Variants in LHX6 observed in about 807,000 individuals in gnomAD.
The protein encoded by LHX6 is LIM/homeobox protein Lhx6.
LHX6 carries 15 observed loss-of-function variants against 47.1 expected under a neutral mutation model. The ratio of observed to expected loss-of-function variants is 0.32; its 90% CI spans 0.21 to 0.49. The LOEUF (loss-of-function observed/expected upper bound fraction) is 0.49. Among genes scored for constraint, LHX6 ranks in the 20% least tolerant of loss-of-function variants. LHX6 has a pLI of 0.99. For synonymous variants in LHX6, 242 were observed against 233.5 expected (o/e 1.04, Z -0.33); for missense variants, 404 against 539.6 (o/e 0.75, Z 2.49).
At chr9:122,222,946 C>T (rs531367386) in intron 4 of LHX6, among the ~76,000 whole-genome samples, 1 of 152,316 alleles carries the variant, frequency 6.6e-6, no homozygotes, top group East Asian at 1.9e-4. Context: ...TGACCCCGGG[C>T]TTCAGGAAAC....
At chr9:122,227,714 G>T in intron 1 of LHX6, 1 of 871,766 alleles carries the variant, frequency 1.1e-6, no homozygotes, top group Non-Finnish European at 1.6e-6. Context: ...CACTTAACCC[G>T]TGGCTCTTGA....
intron 8 of LHX6, among the ~76,000 whole-genome samples, chr9:122,210,929 C>A (rs1382575094): frequency 6.6e-6 from 1 of 152,180 alleles, no homozygotes; most frequent in African/African-American, 2.4e-5. Flanking sequence ...ATGCAAAGCT[C>A]CACGAGGGCA....
intron 1 of LHX6, chr9:122,227,952 ACCCGC>A: frequency 7.6e-6 from 1 of 131,682 alleles, no homozygotes; most frequent in Non-Finnish European, 1.6e-5. Flanking sequence ...TTCTCTCTCC[ACCCGC>A]CCCCCCACCC....
At chr9:122,220,416 A>G (rs1826336794) in intron 4 of LHX6, among the ~76,000 whole-genome samples, 1 of 152,182 alleles carries the variant, frequency 6.6e-6, no homozygotes, top group South Asian at 2.1e-4. Flanking sequence ...TCCCTCACCC[A>G]GGACAGGAGT....
chr9:122,211,246 T>C (rs1726835784), intron 8 of LHX6, among the ~76,000 whole-genome samples: 1 of 152,234 alleles, frequency 6.6e-6, no homozygotes, highest in African/African-American at 2.4e-5. Context: ...GACAATTCAC[T>C]GTGCCCTTCT....
At chr9:122,216,214 C>G (rs1830589552) in intron 5 of LHX6, among the ~76,000 whole-genome samples, 1 of 152,182 alleles carries the variant, frequency 6.6e-6, no homozygotes, top group Admixed American at 6.5e-5. Context: ...ATAAAATAAT[C>G]CCTGTTACAG....
In LHX6 at chr9:122,214,216, G is replaced by A. The variant is rs1289026236; in HGVS notation, c.783+67C>T. The A allele has an allele frequency of 1.2e-5, 17 of 1,422,654 alleles. No individual in the cohort carries two copies. The African/African-American group carries it at 1.8e-4, about 15-fold the overall frequency. The allele number at this position is 1,422,654 out of a possible 1,614,324, so 88.1% of individuals were successfully genotyped here. On this transcript the variant is annotated intron_variant, in intron 6 of 9. Coordinates refer to ENST00000394319, the MANE Select transcript of LHX6 (RefSeq NM_014368.5). This position sits in a 1 kb window ranked among gnomAD's most constrained non-coding sequence, Gnocchi z 4.6. The stretch of plus-strand genomic sequence containing the variant: ...TCCGGCCCGAGGGGCGGAGCCAGGA[G>A]ACATTGTCGGCCCCGCCCACTTTCG...
chr9:122,228,669 G>T lies in LHX6; in HGVS notation c.72C>A (p.Pro24=), dbSNP rs760080455. 5 of 1,290,442 alleles carry T rather than the reference G, an allele frequency of 3.9e-6. No homozygotes were observed. The highest frequency in any genetic ancestry group is 4.2e-5 in the Admixed American group (1 of 24,020). 79.9% of individuals were successfully genotyped at this position (1,290,442 alleles called of 1,614,324 possible). A position where few individuals can be genotyped will look rare whatever the true frequency, so the allele number is the denominator to read the frequency against. The change falls in exon 1 of 10, where the codon CCC becomes CCA. Residue 24 remains proline (P), a synonymous_variant. Transcript: ENST00000394319. ...EGCRLPAEGG[P]ATDQVMAQPG... is the part of the protein sequence containing the mutation. ...TTCGCCGGCTCACCTGGTCGGTGGC[G>T]GGGCCGCCCTCGGCCGGCAGCCGGC...
chr9:122,214,468 C>T lies in LHX6; in HGVS notation c.683-85G>A. The T allele has an allele frequency of 2.1e-6, 3 of 1,420,708 alleles. No individual in the cohort carries two copies. Among genetic ancestry groups the T allele is most frequent in the South Asian group, 1.5e-5 (1 of 66,418 alleles). The allele number at this position is 1,420,708 out of a possible 1,614,324, so 88.0% of individuals were successfully genotyped here. On this transcript the variant is annotated intron_variant, in intron 5 of 9. Coordinates refer to ENST00000394319, the MANE Select transcript of LHX6 (RefSeq NM_014368.5). This position sits in a 1 kb window ranked among gnomAD's most constrained non-coding sequence, Gnocchi z 4.6. ...AGGACGGGGGTGGGGGGAGCTTGTC[C>T]CTGGAAGGGTCAGGAGCGGGAGTTG...
intron 8 of LHX6, among the ~76,000 whole-genome samples, chr9:122,212,311 G>A (rs1402387438): frequency 1.3e-5 from 2 of 152,160 alleles, no homozygotes; most frequent in African/African-American, 4.8e-5. Context: ...CGATCATTAA[G>A]GCATACCGGC....
chr9:122,226,598 A>T lies in LHX6; in HGVS notation c.340-101T>A. On this transcript the variant is annotated intron_variant, in intron 3 of 9. Transcript: ENST00000394319. The surrounding 1 kb of genome is among the most constrained non-coding windows in gnomAD (Gnocchi z 6.5). ...TTTACAGTCAGAGGCGCTGAAGCTC[A>T]GAAGGTGCATGCGATTCCCCTATTT... 6.7e-7 allele frequency: 1 copy of T among 1,501,932 alleles called. No homozygotes were observed. Among genetic ancestry groups the T allele is most frequent in the Admixed American group, 2.2e-5 (1 of 46,014 alleles). The allele number at this position is 1,501,932 out of a possible 1,614,324, so 93.0% of individuals were successfully genotyped here.
intron 9 of LHX6, among the ~76,000 whole-genome samples, chr9:122,208,113 C>T (rs1588334350): frequency 6.6e-6 from 1 of 152,232 alleles, no homozygotes; most frequent in East Asian, 1.9e-4. Flanking sequence ...CCCTCCAGGA[C>T]CCCACACTGC....
intron 4 of LHX6, chr9:122,221,375 T>TG (rs1050460526): frequency 4.1e-6 from 4 of 985,166 alleles, no homozygotes; most frequent in Non-Finnish European, 4.8e-6. Context: ...TCTGCCGCGG[T>TG]GGGGGGCCGC....
In LHX6 at chr9:122,226,047, C is replaced by T. The variant is rs1588364137; in HGVS notation, c.461+329G>A. Reference sequence around the variant, plus strand: ...AGTGGGTCCGGGCCAGAAATGGGGACCTCAGAGCTCCACCGAGGCGCTCGA... The same window carrying T: ...AGTGGGTCCGGGCCAGAAATGGGGATCTCAGAGCTCCACCGAGGCGCTCGA... On this transcript the variant is annotated intron_variant, in intron 4 of 9. Coordinates refer to ENST00000394319, the MANE Select transcript of LHX6 (RefSeq NM_014368.5). The surrounding 1 kb of genome is among the most constrained non-coding windows in gnomAD (Gnocchi z 6.5). Among the ~76,000 whole-genome samples, 2 of 152,074 alleles carry T rather than the reference C, an allele frequency of 1.3e-5. No individual in the cohort carries two copies. Among genetic ancestry groups the T allele is most frequent in the East Asian group, 1.9e-4 (1 of 5,172 alleles).
At position 122,218,686 on chromosome 9, in the gene LHX6, A is replaced by G. The variant is rs10985569; in HGVS notation, c.462-1398T>C. Among the ~76,000 whole-genome samples, 433 of 152,122 alleles carry G rather than the reference A, an allele frequency of 2.8e-3. 15 individuals are homozygous for G. The East Asian group carries it at 0.075, about 26-fold the overall frequency. On this transcript the variant is annotated intron_variant, in intron 4 of 9. Coordinates refer to ENST00000394319, the MANE Select transcript of LHX6 (RefSeq NM_014368.5). ...ACTCTACCCTCAGGATCTGGTCCAA[A>G]ACCCTTGGGGTTTGCAAAACCCAAG...
intron 4 of LHX6, among the ~76,000 whole-genome samples, chr9:122,218,779 T>G (rs1009716210): frequency 2.6e-5 from 4 of 152,116 alleles, no homozygotes; most frequent in Non-Finnish European, 2.9e-5. Flanking sequence ...CATCCAGGCA[T>G]GTGTCCCAGT....
At chr9:122,205,427 T>C (rs1046360005) in intron 9 of LHX6, among the ~76,000 whole-genome samples, 2 of 152,240 alleles carry the variant, frequency 1.3e-5, no homozygotes, top group Non-Finnish European at 2.9e-5. Context: ...AGATCAGGAC[T>C]GTCTGTCCCT....
In LHX6 at chr9:122,227,004, T is replaced by A. The variant is rs1362261935; in HGVS notation, c.183A>T (p.Ala61=). Residue 61 remains alanine (A), a synonymous_variant, in exon 3 of 10, where the codon GCA becomes GCT. Transcript: ENST00000394319. ...AMAQSDAEAL[A]GALDKDEGQA... ...GACCCTCGTCCTTGTCCAGAGCTCC[T>A]GCCAGGGCCTCGGCGTCAGACTGAG... The A allele has an allele frequency of 6.6e-7, 1 of 1,520,620 alleles. No individual in the cohort carries two copies. Among genetic ancestry groups the A allele is most frequent in the East Asian group, 2.5e-5 (1 of 40,782 alleles). The allele number at this position is 1,520,620 out of a possible 1,614,324, so 94.2% of individuals were successfully genotyped here. A position where few individuals can be genotyped will look rare whatever the true frequency, so the allele number is the denominator to read the frequency against.
At chr9:122,205,099 G>A (rs563410651) in intron 9 of LHX6, among the ~76,000 whole-genome samples, 10 of 152,342 alleles carry the variant, frequency 6.6e-5, no homozygotes, top group South Asian at 2.1e-4. Context: ...CACGGAAGCC[G>A]CACCATAGCC....
Sources: gnomAD v4.1 joint callset for allele counts (sites outside exome capture counted in the v4.1 genomes callset) on GRCh38, gnomAD v4.1.1 for gene constraint, Gnocchi (gnomAD v3.1) non-coding constraint, MANE v1.5 for transcripts, NCBI Gene and HGNC (gene_info 2026-07-23, HGNC 2026-07-21) for gene names.